Variants in FKBP15 observed in about 807,000 individuals in gnomAD.
The protein encoded by FKBP15 is FK506-binding protein 15.
Under a neutral mutation model 158.1 loss-of-function variants are expected in FKBP15, and 106 were observed. The observed-to-expected ratio is 0.67, with a 90% CI of 0.57 to 0.79. The LOEUF (loss-of-function observed/expected upper bound fraction) is 0.79. FKBP15 is among the 30% of genes least tolerant of loss of function. The pLI is 0.00. For missense variants in FKBP15, 1,287 were observed against 1,479.1 expected (o/e 0.87, Z 2.13); for synonymous variants, 547 against 548.6 (o/e 1.00, Z 0.04).
Position 113,165,142 on chromosome 9 carries a change from C to G in FKBP15, c.*936G>C, listed in dbSNP as rs1199314979. On this transcript the variant is annotated 3_prime_UTR_variant, in exon 28 of 28. Coordinates refer to ENST00000238256, the MANE Select transcript of FKBP15 (RefSeq NM_015258.2). ...CTCACTACTGTTCTCTGCATAAGTC[C>G]TGGTCCCATGAGTTCTAAGGGAATG... 6.6e-6 allele frequency: 1 copy of G among 152,100 alleles called. No individual in the cohort carries two copies. Among genetic ancestry groups the G allele is most frequent in the African/African-American group, 2.4e-5 (1 of 41,412 alleles). 9.4% of individuals were successfully genotyped at this position (152,100 alleles called of 1,614,324 possible).
Position 113,207,233 on chromosome 9 carries a change from G to C in FKBP15, c.233C>G (p.Thr78Arg). 1 of 1,613,060 alleles carries C rather than the reference G, an allele frequency of 6.2e-7. No individual in the cohort carries two copies. The highest frequency in any genetic ancestry group is 8.5e-7 in the Non-Finnish European group (1 of 1,179,442). The change falls in exon 3 of 28, where the codon ACA becomes AGA. Residue 78 changes from threonine (T) to arginine (R), a missense_variant. Transcript: ENST00000238256. ...TTACTATCGATATGCATGGACTGCT[G>C]TTGCGACCAGTATTGTGGGAGTGCT... ...TMSTPTILVATAVHAYRYTNG... is the reference protein window; with the variant it reads ...TMSTPTILVARAVHAYRYTNG...
chr9:113,170,778 T>C, intron 24 of FKBP15, 149 bp from the exon 25 acceptor site: 1 of 678,322 alleles, frequency 1.5e-6, no homozygotes, highest in Admixed American at 2.6e-5. Context: ...CTGAAGGCTG[T>C]CACTGTGGAG....
intron 22 of FKBP15, 136 bp downstream of exon 22, chr9:113,174,292 T>G: frequency 1.1e-6 from 1 of 904,250 alleles, no homozygotes; most frequent in Non-Finnish European, 1.6e-6. Context: ...TGGATTACTT[T>G]TTCTACCTTT....
intron 6 of FKBP15, among the ~76,000 whole-genome samples, chr9:113,201,095 G>A (rs1004021628): frequency 6.9e-6 from 1 of 145,590 alleles, no homozygotes; most frequent in Admixed American, 6.9e-5. Flanking sequence ...AAACAATGAG[G>A]CATCATTTTT....
intron 2 of FKBP15, among the ~76,000 whole-genome samples, chr9:113,209,800 A>G (rs972323120): frequency 1.3e-5 from 2 of 152,264 alleles, no homozygotes; most frequent in African/African-American, 4.8e-5. Context: ...TTTTCTGCCT[A>G]TAAAGCCAAC....
chr9:113,163,058 C>T lies in FKBP15; in HGVS notation c.*3020G>A. ...CCTGGAAACTTTGAGCTGAAGCCAG[C>T]ACTTGCTCCCTGGAGTTCGGAAGCC... On this transcript the variant is annotated 3_prime_UTR_variant, in exon 28 of 28. Coordinates refer to ENST00000238256, the MANE Select transcript of FKBP15 (RefSeq NM_015258.2). The T allele has an allele frequency of 1.3e-6, 1 of 779,106 alleles. No homozygotes were observed. Among genetic ancestry groups the T allele is most frequent in the Middle Eastern group, 4.0e-4 (1 of 2,520 alleles). 48.3% of individuals were successfully genotyped at this position (779,106 alleles called of 1,614,324 possible).
At chr9:113,179,370 A>C (rs1236489329) in intron 19 of FKBP15, among the ~76,000 whole-genome samples, 1 of 152,208 alleles carries the variant, frequency 6.6e-6, no homozygotes, top group Non-Finnish European at 1.5e-5. Context: ...TCTCCTAAAA[A>C]AAGAAAATAA....
intron 6 of FKBP15, among the ~76,000 whole-genome samples, chr9:113,201,884 T>C (rs1830798352): frequency 1.3e-5 from 2 of 152,162 alleles, no homozygotes; most frequent in African/African-American, 4.8e-5. Context: ...TAAAGAACTA[T>C]TAAAGGACTG....
At position 113,168,402 on chromosome 9, in the gene FKBP15, T is replaced by G; in HGVS notation, c.3582+58A>C. The stretch of plus-strand genomic sequence containing the variant: ...GCTCCATTTCTCTTCTCAGAGCCAG[T>G]AGGGAAGAGCCCCCAGGTGGGTGTG... On this transcript the variant is annotated intron_variant, in intron 27 of 27. Coordinates refer to ENST00000238256, the MANE Select transcript of FKBP15 (RefSeq NM_015258.2). 2.8e-6 allele frequency: 4 copies of G among 1,437,466 alleles called. No individual in the cohort carries two copies. The South Asian group carries it at 3.4e-5, about 12-fold the overall frequency. The allele number at this position is 1,437,466 out of a possible 1,614,324, so 89.0% of individuals were successfully genotyped here.
At position 113,165,704 on chromosome 9, in the gene FKBP15, C is replaced by T. The variant is rs745337498; in HGVS notation, c.*374G>A. The T allele has an allele frequency of 2.5e-4, 47 of 188,996 alleles. No individual in the cohort carries two copies. Among genetic ancestry groups the T allele is most frequent in the Non-Finnish European group, 6.7e-5 (6 of 89,572 alleles). The allele number at this position is 188,996 out of a possible 1,614,324, so 11.7% of individuals were successfully genotyped here. ...GGAGACCTCAGCCCAGGTCTTGTTG[C>T]CGGGGCACAGTTGAGCACTGGATTC... On this transcript the variant is annotated 3_prime_UTR_variant, in exon 28 of 28. Transcript: ENST00000238256.
chr9:113,198,975 A>C lies in FKBP15; in HGVS notation c.649-52T>G. On this transcript the variant is annotated intron_variant, in intron 7 of 27. Transcript: ENST00000238256. This position sits in a 1 kb window ranked among gnomAD's most constrained non-coding sequence, Gnocchi z 5.2. ...CCAGCCAATTTCAAAAATAATAATAACCATTATGATATTCAACTAACTACA... is the reference window on the plus strand; with the variant it reads ...CCAGCCAATTTCAAAAATAATAATACCCATTATGATATTCAACTAACTACA... The C allele has an allele frequency of 8.0e-7, 1 of 1,252,460 alleles. No individual in the cohort carries two copies. Among genetic ancestry groups the C allele is most frequent in the Non-Finnish European group, 1.1e-6 (1 of 873,472 alleles). The allele number at this position is 1,252,460 out of a possible 1,614,324, so 77.6% of individuals were successfully genotyped here. A position where few individuals can be genotyped will look rare whatever the true frequency, so the allele number is the denominator to read the frequency against.
rs1264519188 is a variant in FKBP15, at chr9:113,166,085, A to G, written c.3653T>C (p.Leu1218Pro). The G allele has an allele frequency of 1.2e-6, 2 of 1,613,470 alleles. No homozygotes were observed. The highest frequency in any genetic ancestry group is 1.7e-6 in the Non-Finnish European group (2 of 1,179,712). The change falls in exon 28 of 28, where the codon CTG becomes CCG. Residue 1218 changes from leucine to proline, a missense_variant. By Grantham distance (98) the Leu-to-Pro change is moderately conservative. Coordinates refer to ENST00000238256, the MANE Select transcript of FKBP15 (RefSeq NM_015258.2). ...DDDDDDDIDW[L>P]G ...CACCAGTTTCCTGGGTCTTCATCCC[A>G]GCCAGTCAATGTCATCGTCATCATC...
At chr9:113,202,409 G>GT in intron 6 of FKBP15, 122 bp downstream of exon 6, 2 of 647,542 alleles carry the variant, frequency 3.1e-6, no homozygotes, top group East Asian at 2.9e-5. Context: ...AATTTAGTGG[G>GT]TTTTTTATGC....
intron 1 of FKBP15, among the ~76,000 whole-genome samples, chr9:113,212,441 G>A (rs112102053): frequency 0.11 from 16,487 of 151,960 alleles, 1,207 homozygotes; most frequent in Non-Finnish European, 0.15. Flanking sequence ...CACCCACCTC[G>A]GCCTCCCAAA....
chr9:113,190,585 AGAGAG>A lies in FKBP15; in HGVS notation c.1066-12_1066-8del. On this transcript the variant is annotated splice_polypyrimidine_tract_variant and splice_region_variant and intron_variant, in intron 11 of 27. Coordinates refer to ENST00000238256, the MANE Select transcript of FKBP15 (RefSeq NM_015258.2). ...CTTTGACTGCATCGGGACTCTAAAA[AGAGAG>A]GAAAGTCACAAAAATCACTGTGATT... 6.3e-7 allele frequency: 1 copy of A among 1,599,300 alleles called. No individual in the cohort carries two copies. The highest frequency in any genetic ancestry group is 8.5e-7 in the Non-Finnish European group (1 of 1,171,810).
Position 113,161,533 on chromosome 9 carries a change from TC to T in FKBP15, c.*4544del. ...GGCATGGCCCTTTCGGTGTTGGTGC[TC>T]CTGCTTCTGGCTGTACTGTATGAAG... On this transcript the variant is annotated 3_prime_UTR_variant, in exon 28 of 28. Transcript: ENST00000238256. 6.2e-7 allele frequency: 1 copy of T among 1,613,994 alleles called. No homozygotes were observed. Among genetic ancestry groups the T allele is most frequent in the South Asian group, 1.1e-5 (1 of 91,078 alleles).
Position 113,211,581 on chromosome 9 carries a change from G to T in FKBP15, c.65C>A (p.Ala22Asp). The change falls in exon 2 of 28, where the codon GCC becomes GAC. Residue 22 changes from alanine (A) to aspartate (D), a missense_variant. Transcript: ENST00000238256. ...FLSPSGGARLASLFGLDQAAA... is the reference protein window; with the variant it reads ...FLSPSGGARLDSLFGLDQAAA... ...TGCCTGATCCAGTCCAAAAAGTGAG[G>T]CCAATCTGGCACTGTTAGTAGAAAA... 1 of 1,599,328 alleles carries T rather than the reference G, an allele frequency of 6.3e-7. No homozygotes were observed. Among genetic ancestry groups the T allele is most frequent in the Non-Finnish European group, 8.5e-7 (1 of 1,172,096 alleles).
At position 113,171,716 on chromosome 9, in the gene FKBP15, A is replaced by G; in HGVS notation, c.2533-10T>C. 1 of 1,554,540 alleles carries G rather than the reference A, an allele frequency of 6.4e-7. No homozygotes were observed. The highest frequency in any genetic ancestry group is 8.7e-7 in the Non-Finnish European group (1 of 1,153,842). On this transcript the variant is annotated splice_polypyrimidine_tract_variant and intron_variant, in intron 23 of 27. Transcript: ENST00000238256. ...CCTGGAGGGCTAAACACTGCAAAAC[A>G]AACAGACTGTGGCTGTGGCCTCAGG...
rs1830176492 is a variant in FKBP15, at chr9:113,169,958, G to A, written c.2767-16C>T. On this transcript the variant is annotated splice_polypyrimidine_tract_variant and intron_variant, in intron 25 of 27. Transcript: ENST00000238256. The stretch of plus-strand genomic sequence containing the variant: ...GAGTCACCATCTATTCAAAAGCCAA[G>A]GAAGAGATGGTCACTGAAAGGAACA... The A allele has an allele frequency of 1.3e-6, 2 of 1,522,354 alleles. No homozygotes were observed. The highest frequency in any genetic ancestry group is 2.4e-5 in the East Asian group (1 of 40,822). The allele number at this position is 1,522,354 out of a possible 1,614,324, so 94.3% of individuals were successfully genotyped here. A position where few individuals can be genotyped will look rare whatever the true frequency, so the allele number is the denominator to read the frequency against.
Sources: gnomAD v4.1 joint callset for allele counts (sites outside exome capture counted in the v4.1 genomes callset) on GRCh38, gnomAD v4.1.1 for gene constraint, Gnocchi (gnomAD v3.1) non-coding constraint, MANE v1.5 for transcripts, NCBI Gene and HGNC (gene_info 2026-07-23, HGNC 2026-07-21) for gene names.